LMNTD1: variants seen among roughly 807,000 people sequenced by gnomAD.
LMNTD1 encodes the protein lamin tail domain containing 1, also known as lamin tail domain-containing protein 1.
LMNTD1 carries 35 observed loss-of-function variants against 50.9 expected under a neutral mutation model. That is an observed-to-expected ratio of 0.69 (90% CI 0.53 to 0.91). LMNTD1 has a LOEUF of 0.91. Ranked by LOEUF, LMNTD1 falls within the 40% of genes least tolerant of loss-of-function variation. LMNTD1 has a pLI of 0.00. For missense variants in LMNTD1, 470 were observed against 475.5 expected (o/e 0.99, Z 0.11); for synonymous variants, 153 against 161.9 (o/e 0.94, Z 0.42).
intron 1 of LMNTD1, among the ~76,000 whole-genome samples, chr12:25,648,188 T>C (rs1947114005): frequency 6.6e-6 from 1 of 152,214 alleles, no homozygotes; most frequent in Admixed American, 6.5e-5. Flanking sequence ...CACTAATATG[T>C]CATTCTTGTT....
chr12:25,497,864 TG>T (rs1237594216), intron 9 of LMNTD1: 7 of 152,116 alleles, frequency 4.6e-5, no homozygotes, highest in Non-Finnish European at 1.0e-4. Flanking sequence ...TAGCTCTTGG[TG>T]CTTGGGTGTA....
chr12:25,491,777 C>T (rs1176126731), intron 9 of LMNTD1, among the ~76,000 whole-genome samples: 1 of 152,142 alleles, frequency 6.6e-6, no homozygotes, highest in Admixed American at 6.5e-5. Context: ...GGAAGCTTAA[C>T]CCCTAAACAA....
chr12:25,619,316 TAAAAC>T (rs541358059), intron 1 of LMNTD1, among the ~76,000 whole-genome samples: 123 of 148,038 alleles, frequency 8.3e-4, no homozygotes, highest in Non-Finnish European at 1.4e-3. Flanking sequence ...CTACTCCAAA[TAAAAC>T]AAAAAACAAA....
chr12:25,626,235 G>A (rs1048598332), intron 1 of LMNTD1, among the ~76,000 whole-genome samples: 5 of 152,120 alleles, frequency 3.3e-5, no homozygotes, highest in African/African-American at 9.7e-5. Context: ...CTGAGATGCT[G>A]TGTCTAGACC....
At chr12:25,624,322 C>T (rs1368156086) in intron 1 of LMNTD1, among the ~76,000 whole-genome samples, 1 of 152,168 alleles carries the variant, frequency 6.6e-6, no homozygotes, top group East Asian at 1.9e-4. Flanking sequence ...TCAAACTCTC[C>T]TGATTTTCAT....
intron 8 of LMNTD1, among the ~76,000 whole-genome samples, chr12:25,509,060 C>T (rs1038605738): frequency 5.3e-5 from 8 of 152,034 alleles, no homozygotes; most frequent in South Asian, 2.1e-4. Context: ...GAAGATATTA[C>T]GTTGGAAATT....
intron 1 of LMNTD1, among the ~76,000 whole-genome samples, chr12:25,636,572 G>A (rs1224646566): frequency 6.6e-6 from 1 of 152,168 alleles, no homozygotes; most frequent in Non-Finnish European, 1.5e-5. Context: ...AAAACAGTGT[G>A]GAGATTCCTT....
rs1353864564 is a variant in LMNTD1 at position 25,620,314 on chromosome 12, C to A, written c.58+28180G>T. On this transcript the variant is annotated intron_variant, in intron 1 of 7. Transcript: ENST00000445693. ...CACAGTTTTCTAATTCCATTTAATT[C>A]TGTTCTCAATTCCAATTTTCACAGT... Among the ~76,000 whole-genome samples, 8 of 152,196 alleles carry A rather than the reference C, an allele frequency of 5.3e-5. No individual in the cohort carries two copies. In the East Asian group the frequency reaches 1.4e-3, roughly 26 times the overall value.
At chr12:25,637,068 A>G (rs1358097028) in intron 1 of LMNTD1, among the ~76,000 whole-genome samples, 1 of 152,148 alleles carries the variant, frequency 6.6e-6, no homozygotes, top group Non-Finnish European at 1.5e-5. Flanking sequence ...GTGCACCAAA[A>G]TCTCACAAAT....
chr12:25,601,209 T>C (rs1945963503), intron 1 of LMNTD1, among the ~76,000 whole-genome samples: 1 of 151,864 alleles, frequency 6.6e-6, no homozygotes. Context: ...GAAAGACAAA[T>C]ATTGCATGTT....
At chr12:25,552,595 A>AC (rs1943829979) in intron 2 of LMNTD1, among the ~76,000 whole-genome samples, 1 of 150,568 alleles carries the variant, frequency 6.6e-6, no homozygotes, top group African/African-American at 2.4e-5. Context: ...AAAAAAAAAA[A>AC]AAAAAACGGA....
chr12:25,538,648 G>T (rs1249698964), intron 4 of LMNTD1, among the ~76,000 whole-genome samples: 1 of 136,042 alleles, frequency 7.4e-6, no homozygotes, highest in Non-Finnish European at 1.6e-5. Flanking sequence ...ATTGAGACTA[G>T]GAAGAAACTA....
chr12:25,606,544 G>A (rs937193678), intron 1 of LMNTD1, among the ~76,000 whole-genome samples: 6 of 152,134 alleles, frequency 3.9e-5, no homozygotes, highest in Non-Finnish European at 5.9e-5. Context: ...AGCATGAAGG[G>A]TTGTTGAATT....
chr12:25,596,507 A>G (rs1169764845), intron 1 of LMNTD1, among the ~76,000 whole-genome samples: 1 of 152,074 alleles, frequency 6.6e-6, no homozygotes, highest in Non-Finnish European at 1.5e-5. Context: ...CAGTAAAAGC[A>G]TTCAACAAAA....
Position 25,572,978 on chromosome 12 carries a change from AC to A in LMNTD1, c.59-26425del, listed in dbSNP as rs1944857414. Among the ~76,000 whole-genome samples, 4 of 152,208 alleles carry A rather than the reference AC, an allele frequency of 2.6e-5. No homozygotes were observed. In the South Asian group the frequency reaches 8.3e-4, roughly 32 times the overall value. On this transcript the variant is annotated intron_variant, in intron 1 of 7. Transcript: ENST00000445693. ...GTCCTCCTAGTAGATCCATCTAATG[AC>A]TTTAATCCTCAGTCTCCTTCTGCAG...
upstream of LMNTD1, among the ~76,000 whole-genome samples, chr12:25,554,148 A>G (rs764971585): frequency 6.6e-6 from 1 of 152,216 alleles, no homozygotes; most frequent in East Asian, 1.9e-4. Flanking sequence ...ATTATGGGCC[A>G]ATTATGTAAA....
chr12:25,585,041 G>T (rs924693953), intron 1 of LMNTD1, among the ~76,000 whole-genome samples: 1 of 152,154 alleles, frequency 6.6e-6, no homozygotes, highest in African/African-American at 2.4e-5. Flanking sequence ...TTTAATAAAG[G>T]GTCTGACCTT....
intron 1 of LMNTD1, among the ~76,000 whole-genome samples, chr12:25,582,263 C>T (rs1945321917): frequency 6.6e-6 from 1 of 152,188 alleles, no homozygotes; most frequent in Non-Finnish European, 1.5e-5. Context: ...ACAAATAACC[C>T]TGTCTATGTA....
intron 4 of LMNTD1, among the ~76,000 whole-genome samples, chr12:25,538,409 G>A (rs1942779169): frequency 1.3e-5 from 2 of 150,390 alleles, no homozygotes; most frequent in South Asian, 2.1e-4. Context: ...AGAGAGTGGG[G>A]ACCAATATTC....
Sources: gnomAD v4.1 joint callset for allele counts (sites outside exome capture counted in the v4.1 genomes callset) on GRCh38, gnomAD v4.1.1 for gene constraint, MANE v1.5 for transcripts, NCBI Gene and HGNC (gene_info 2026-07-23, HGNC 2026-07-21) for gene names.